Variants in NWD2 observed in about 807,000 individuals in gnomAD.
NWD2 encodes the protein NACHT and WD repeat domain-containing protein 2.
A neutral mutation model predicts 132.7 loss-of-function variants in NWD2; 37 were observed. That is an observed-to-expected ratio of 0.28 (90% CI 0.21 to 0.37). The LOEUF (loss-of-function observed/expected upper bound fraction) is 0.37. NWD2 is among the 10% of genes least tolerant of loss of function. NWD2 has a pLI of 1.00. For synonymous variants in NWD2, 705 were observed against 803.0 expected (o/e 0.88, Z 2.06); for missense variants, 1,592 against 2,122.4 (o/e 0.75, Z 4.91).
At chr4:37,389,900 C>T (rs894051240) in intron 3 of NWD2, among the ~76,000 whole-genome samples, 1 of 152,122 alleles carries the variant, frequency 6.6e-6, no homozygotes, top group African/African-American at 2.4e-5. Context: ...CCTGCTTCAG[C>T]CTCGCGAGTA....
At chr4:37,374,387 T>C (rs1720301686) in intron 3 of NWD2, among the ~76,000 whole-genome samples, 1 of 152,186 alleles carries the variant, frequency 6.6e-6, no homozygotes, top group Non-Finnish European at 1.5e-5. Context: ...ACAAATTACT[T>C]AGCCTCGGGT....
intron 1 of NWD2, among the ~76,000 whole-genome samples, chr4:37,263,141 C>T (rs896329367): frequency 2.0e-5 from 3 of 152,122 alleles, no homozygotes; most frequent in African/African-American, 7.2e-5. Context: ...GCTGCATGGT[C>T]CAGCTTTCAC....
chr4:37,440,809 C>T (rs568667802), intron 6 of NWD2, among the ~76,000 whole-genome samples: 1 of 152,110 alleles, frequency 6.6e-6, no homozygotes, highest in South Asian at 2.1e-4. Flanking sequence ...CAGGATGAAA[C>T]TAGTTCCATT....
intron 3 of NWD2, among the ~76,000 whole-genome samples, chr4:37,378,039 T>C (rs936131486): frequency 2.0e-5 from 3 of 152,216 alleles, no homozygotes; most frequent in African/African-American, 7.2e-5. Flanking sequence ...AATTAAAAAT[T>C]AATCATTAAA....
At chr4:37,289,731 A>G (rs764051207) in intron 1 of NWD2, among the ~76,000 whole-genome samples, 3 of 152,174 alleles carry the variant, frequency 2.0e-5, no homozygotes, top group Admixed American at 6.5e-5. Context: ...ATGTCAATAT[A>G]ACCCAAACCT....
Position 37,381,644 on chromosome 4 carries a change from A to T in NWD2, c.357+25162A>T, listed in dbSNP as rs553048596. Among the ~76,000 whole-genome samples the T allele has an allele frequency of 4.6e-5, 7 of 152,244 alleles. No homozygotes were observed. In the East Asian group the frequency reaches 1.2e-3, roughly 25 times the overall value. ...CAATTATGAAATTAATACCAAAGCT[A>T]CTCTGCATCTAAAGTCAATCTGTAT... On this transcript the variant is annotated intron_variant, in intron 3 of 6. Coordinates refer to ENST00000309447, the MANE Select transcript of NWD2 (RefSeq NM_001144990.2).
intron 2 of NWD2, among the ~76,000 whole-genome samples, chr4:37,328,914 A>G (rs1481162025): frequency 6.6e-6 from 1 of 152,134 alleles, no homozygotes; most frequent in Non-Finnish European, 1.5e-5. Context: ...CCACTAGATT[A>G]TAAGTTCCAT....
chr4:37,333,390 G>GCTCC (rs2109291154), intron 2 of NWD2, among the ~76,000 whole-genome samples: 1 of 152,292 alleles, frequency 6.6e-6, no homozygotes, highest in Admixed American at 6.5e-5. Context: ...TCAGCACAGA[G>GCTCC]AGAGGGACTC....
chr4:37,389,760 G>A (rs145154867), intron 3 of NWD2, among the ~76,000 whole-genome samples: 33 of 150,682 alleles, frequency 2.2e-4, no homozygotes, highest in Non-Finnish European at 4.1e-4. Flanking sequence ...AACTTTGGAT[G>A]TAAAATTAAT....
chr4:37,443,929 G>A lies in NWD2; in HGVS notation c.1941G>A (p.Trp647Ter). 6.4e-7 allele frequency: 1 copy of A among 1,552,308 alleles called. No individual in the cohort carries two copies. The highest frequency in any genetic ancestry group is 8.7e-7 in the Non-Finnish European group (1 of 1,147,136). ...TVHESIEQLF[W>*]SLEKKCGQKL... is the part of the protein sequence containing the mutation. ...ATGAAAGTATAGAGCAGTTATTCTGGTCCTTGGAGAAGAAGTGTGGTCAGA... is the reference window on the plus strand; with the variant it reads ...ATGAAAGTATAGAGCAGTTATTCTGATCCTTGGAGAAGAAGTGTGGTCAGA... Residue 647 changes from tryptophan to a stop codon, truncating the protein, a stop_gained, in exon 7 of 7, where the codon TGG becomes TGA. Coordinates refer to ENST00000309447, the MANE Select transcript of NWD2 (RefSeq NM_001144990.2). LOFTEE classifies it high-confidence loss of function. The surrounding 1 kb of genome is among the most constrained non-coding windows in gnomAD (Gnocchi z 4.1).
intron 1 of NWD2, among the ~76,000 whole-genome samples, chr4:37,309,762 G>C (rs999486084): frequency 6.6e-6 from 1 of 152,156 alleles, no homozygotes; most frequent in African/African-American, 2.4e-5. Flanking sequence ...TCTTGGCTTT[G>C]AGTCAATCCC....
At chr4:37,314,529 T>A (rs1029533410) in intron 1 of NWD2, among the ~76,000 whole-genome samples, 4 of 152,228 alleles carry the variant, frequency 2.6e-5, no homozygotes, top group Non-Finnish European at 2.9e-5. Flanking sequence ...TTTATCTAAT[T>A]TCTTTAATGT....
intron 2 of NWD2, among the ~76,000 whole-genome samples, chr4:37,343,674 G>T (rs538933991): frequency 6.6e-6 from 1 of 152,170 alleles, no homozygotes; most frequent in East Asian, 1.9e-4. Flanking sequence ...TTATTCTATG[G>T]TGTGGGAAAA....
intron 3 of NWD2, among the ~76,000 whole-genome samples, chr4:37,362,229 T>A (rs1349801299): frequency 1.3e-5 from 2 of 152,200 alleles, no homozygotes; most frequent in African/African-American, 4.8e-5. Context: ...TTCATTAAAG[T>A]GTTCATTCTG....
intron 1 of NWD2, among the ~76,000 whole-genome samples, chr4:37,274,582 G>GAGGCC (rs1223895873): frequency 6.6e-6 from 1 of 152,138 alleles, no homozygotes; most frequent in East Asian, 1.9e-4. Context: ...TTCACTTTAT[G>GAGGCC]AGGCCAGCAT....
intron 1 of NWD2, among the ~76,000 whole-genome samples, chr4:37,311,873 T>A (rs1718850227): frequency 6.6e-6 from 1 of 150,918 alleles, no homozygotes; most frequent in South Asian, 2.1e-4. Flanking sequence ...CAGCACCATT[T>A]ATTAAATAGG....
intron 3 of NWD2, among the ~76,000 whole-genome samples, chr4:37,396,484 G>A (rs543224850): frequency 3.3e-5 from 5 of 152,230 alleles, no homozygotes; most frequent in East Asian, 1.9e-4. Context: ...GTTGGTTGCC[G>A]TCACTATTCT....
chr4:37,326,709 A>T (rs11941756), intron 2 of NWD2, among the ~76,000 whole-genome samples: 1,972 of 152,302 alleles, frequency 0.013, 48 homozygotes, highest in African/African-American at 0.044. Context: ...ATTTAGTCAG[A>T]ATTTTTCAGC....
At position 37,439,172 on chromosome 4, in the gene NWD2, C is replaced by A. The variant is rs1208445271; in HGVS notation, c.1078C>A (p.Gln360Lys). The A allele has an allele frequency of 6.5e-7, 1 of 1,549,858 alleles. No homozygotes were observed. The highest frequency in any genetic ancestry group is 8.7e-7 in the Non-Finnish European group (1 of 1,146,068). ...MIDIIQATIQ[Q>K]NFDTETDTLY... is the part of the protein sequence containing the mutation. ...TGATATAATTCAGGCAACGATACAA[C>A]AGAATTTTGACACTGAAACTGATAC... Residue 360 changes from glutamine to lysine, a missense_variant, in exon 6 of 7, where the codon CAG becomes AAG. By Grantham distance (53) the Gln-to-Lys change is moderately conservative. Coordinates refer to ENST00000309447, the MANE Select transcript of NWD2 (RefSeq NM_001144990.2). The surrounding 1 kb of genome is among the most constrained non-coding windows in gnomAD (Gnocchi z 4.5).
Sources: gnomAD v4.1 joint callset for allele counts (sites outside exome capture counted in the v4.1 genomes callset) on GRCh38, gnomAD v4.1.1 for gene constraint, Gnocchi (gnomAD v3.1) non-coding constraint, MANE v1.5 for transcripts, NCBI Gene and HGNC (gene_info 2026-07-23, HGNC 2026-07-21) for gene names.